Variants in PRELID2 observed in about 807,000 individuals in gnomAD.
PRELID2 encodes PRELI domain-containing protein 2.
In PRELID2, 25 loss-of-function variants were observed where a neutral mutation model predicts 28.4. The ratio of observed to expected loss-of-function variants is 0.88; its 90% CI spans 0.64 to 1.23. PRELID2 has a LOEUF of 1.23. Ranked by LOEUF, PRELID2 falls within the 50% of genes most tolerant of loss-of-function variation. The pLI is 0.00. For missense variants in PRELID2, 201 were observed against 214.4 expected (o/e 0.94, Z 0.39); for synonymous variants, 76 against 71.6 (o/e 1.06, Z -0.31).
the PRELID2 span, among the ~76,000 whole-genome samples, chr5:145,317,930 T>C: frequency 6.6e-6 from 1 of 152,158 alleles, no homozygotes; most frequent in Non-Finnish European, 1.5e-5. Context: ...CTCACTATAA[T>C]GATAATAATA....
At chr5:145,491,206 G>T (rs372312201) in intron 1 of PRELID2, among the ~76,000 whole-genome samples, 1 of 151,966 alleles carries the variant, frequency 6.6e-6, no homozygotes, top group African/African-American at 2.4e-5. Flanking sequence ...AGTTCTGGGG[G>T]CTGGAAAGTC....
At chr5:145,437,162 T>C in the PRELID2 span, 1 of 152,182 alleles carries the variant, frequency 6.6e-6, no homozygotes, top group Admixed American at 6.5e-5. Context: ...GACATCTCAG[T>C]GGCTGTGTAG....
chr5:145,674,470 T>C (rs1234550378), intron 1 of PRELID2, among the ~76,000 whole-genome samples: 2 of 152,156 alleles, frequency 1.3e-5, no homozygotes, highest in Non-Finnish European at 2.9e-5. Flanking sequence ...ATTTAATAAC[T>C]GAAAAGTGTA....
the PRELID2 span, among the ~76,000 whole-genome samples, chr5:145,408,956 G>A: frequency 6.6e-6 from 1 of 152,104 alleles, no homozygotes; most frequent in Non-Finnish European, 1.5e-5. Context: ...ATAATCTTAA[G>A]AGCTGTGAGG....
intron 1 of PRELID2, among the ~76,000 whole-genome samples, chr5:145,832,834 ATTCATGC>A (rs1438323247): frequency 6.6e-6 from 1 of 152,078 alleles, no homozygotes; most frequent in Non-Finnish European, 1.5e-5. Context: ...GGAAACTTCT[ATTCATGC>A]TTCAGCCATC....
At chr5:145,781,517 A>G (rs948476165) in intron 5 of PRELID2, among the ~76,000 whole-genome samples, 1 of 151,468 alleles carries the variant, frequency 6.6e-6, no homozygotes, top group Non-Finnish European at 1.5e-5. Flanking sequence ...TCCTAAAGGC[A>G]CTTAGTCCAC....
At chr5:145,502,097 G>C (rs2126634688) in intron 1 of PRELID2, among the ~76,000 whole-genome samples, 1 of 152,196 alleles carries the variant, frequency 6.6e-6, no homozygotes, top group Non-Finnish European at 1.5e-5. Flanking sequence ...ATAAAGAAAA[G>C]AGGTTTAATT....
intron 1 of PRELID2, among the ~76,000 whole-genome samples, chr5:145,543,439 CT>C (rs1752761271): frequency 6.6e-6 from 1 of 152,060 alleles, no homozygotes; most frequent in Admixed American, 6.6e-5. Context: ...AGTTGTGGCT[CT>C]TTATCTAATG....
At chr5:145,287,377 T>C in the PRELID2 span, among the ~76,000 whole-genome samples, 3 of 152,192 alleles carry the variant, frequency 2.0e-5, no homozygotes, top group African/African-American at 2.4e-5. Flanking sequence ...CTTATTGTAC[T>C]ATTCTCTCCC....
At chr5:145,355,603 G>A in the PRELID2 span, among the ~76,000 whole-genome samples, 3 of 152,098 alleles carry the variant, frequency 2.0e-5, no homozygotes, top group African/African-American at 7.2e-5. Flanking sequence ...GTTTACCTAT[G>A]TTCACAGGAC....
At chr5:145,604,628 C>G (rs9986196) in intron 1 of PRELID2, among the ~76,000 whole-genome samples, 1 of 151,110 alleles carries the variant, frequency 6.6e-6, no homozygotes, top group Non-Finnish European at 1.5e-5. Flanking sequence ...AGTGGTAGTT[C>G]TAAGTTCTTT....
At chr5:145,620,244 T>A (rs147184119) in intron 1 of PRELID2, among the ~76,000 whole-genome samples, 1 of 152,110 alleles carries the variant, frequency 6.6e-6, no homozygotes, top group Admixed American at 6.6e-5. Context: ...TTTAAAAATA[T>A]CATAGTGAAA....
chr5:145,566,921 A>G (rs1752972121), intron 1 of PRELID2, among the ~76,000 whole-genome samples: 1 of 151,816 alleles, frequency 6.6e-6, no homozygotes, highest in Admixed American at 6.6e-5. Context: ...AAGTGTGAAC[A>G]GTTTTCTTTT....
chr5:145,594,543 G>A (rs1753275377), intron 1 of PRELID2, among the ~76,000 whole-genome samples: 1 of 152,092 alleles, frequency 6.6e-6, no homozygotes, highest in Admixed American at 6.6e-5. Flanking sequence ...GTTCATTGAT[G>A]TATGCATGAA....
chr5:145,614,279 T>G (rs891730020), intron 1 of PRELID2, among the ~76,000 whole-genome samples: 1 of 152,232 alleles, frequency 6.6e-6, no homozygotes, highest in Non-Finnish European at 1.5e-5. Context: ...TTCCTTTTGC[T>G]TAGTCTTGCT....
At chr5:145,383,826 G>A in the PRELID2 span, among the ~76,000 whole-genome samples, 2 of 151,092 alleles carry the variant, frequency 1.3e-5, no homozygotes, top group Admixed American at 6.6e-5. Context: ...GCACACACAT[G>A]CACATACACA....
the PRELID2 span, among the ~76,000 whole-genome samples, chr5:145,387,935 C>CT: frequency 8.4e-6 from 1 of 118,356 alleles, no homozygotes; most frequent in African/African-American, 3.1e-5. Flanking sequence ...CAAGACAGAA[C>CT]CAAAAAAAAA....
chr5:145,471,131 A>G (rs2126605251), downstream of PRELID2, among the ~76,000 whole-genome samples: 1 of 152,240 alleles, frequency 6.6e-6, no homozygotes, highest in African/African-American at 2.4e-5. Context: ...ACTGCTTAAC[A>G]AAGTTGAGTT....
intron 1 of PRELID2, among the ~76,000 whole-genome samples, chr5:145,539,674 C>A (rs1752730554): frequency 6.6e-6 from 1 of 150,588 alleles, no homozygotes; most frequent in African/African-American, 2.4e-5. Context: ...ATTGTATTTC[C>A]AAAAGTATTT....
Sources: allele counts gnomAD v4.1 joint callset (sites outside exome capture counted in the v4.1 genomes callset), GRCh38; gene constraint gnomAD v4.1.1; transcripts MANE v1.5; gene names NCBI Gene and HGNC (gene_info 2026-07-23, HGNC 2026-07-21).